Variants in GLS2 observed in about 807,000 individuals in gnomAD.
GLS2 encodes the protein glutaminase liver isoform, mitochondrial.
Under a neutral mutation model 79.0 loss-of-function variants are expected in GLS2, and 52 were observed. The observed-to-expected ratio is 0.66, with a 90% CI of 0.53 to 0.83. GLS2 has a LOEUF of 0.83. Ranked by LOEUF, GLS2 falls within the 40% of genes least tolerant of loss-of-function variation. The pLI is 0.00. For missense variants in GLS2, 561 were observed against 764.8 expected, an observed-to-expected ratio of 0.73 and a Z score of 3.14; for synonymous variants, 238 against 280.8, an observed-to-expected ratio of 0.85 and a Z score of 1.52.
chr12:56,477,862 G>T (rs1869958722), intron 6 of GLS2, 71 bp downstream of exon 6: 1 of 1,560,478 alleles, frequency 6.4e-7, no homozygotes, highest in Non-Finnish European at 8.7e-7. Flanking sequence ...AACAAAAAAG[G>T]CTGGGAGATG....
rs751390826 is a variant in GLS2, at chr12:56,479,141, G to A, written c.445C>T (p.Arg149Ter). 8.7e-6 allele frequency: 14 copies of A among 1,613,818 alleles called. No individual in the cohort carries two copies. Among genetic ancestry groups the A allele is most frequent in the East Asian group, 2.2e-5 (1 of 44,888 alleles). Residue 149 changes from arginine to a stop codon, truncating the protein, a stop_gained, in exon 4 of 18, where the codon CGA (arginine) becomes TGA (stop). Transcript: ENST00000311966. LOFTEE classifies it high-confidence loss of function. ...SNIVLLTQAF[R>*]KKFVIPDFEE... ...AAATCAGGAATGACAAACTTCTTTC[G>A]GAATGCCTGGGTCAGGAGCACAATG...
chr12:56,475,075 T>C lies in GLS2; in HGVS notation c.965A>G (p.Tyr322Cys). ...TTCCTTGAGATAATAGCCGATGGCA[T>C]AATTCCGATCCCCTGTTTCCTTCTC... is the stretch of plus-strand genomic sequence containing the variant. ...QSEKETGDRN[Y>C]AIGYYLKEKK... The change falls in exon 10 of 18, where the codon TAT becomes TGT. Residue 322 changes from tyrosine (Y) to cysteine (C), a missense_variant. Around this residue, in one of 4 missense-constraint regions of GLS2, gnomAD observed 221 missense variants for 275.6 expected, o/e 0.80. Transcript: ENST00000311966. 6.2e-7 allele frequency: 1 copy of C among 1,614,198 alleles called. No homozygotes were observed. Among genetic ancestry groups the C allele is most frequent in the Non-Finnish European group, 8.5e-7 (1 of 1,180,048 alleles).
At chr12:56,473,091 G>A (rs1204658230) in intron 14 of GLS2, 137 bp downstream of exon 14, 6 of 766,004 alleles carry the variant, frequency 7.8e-6, no homozygotes, top group South Asian at 3.5e-5. Flanking sequence ...AGGTTTCACC[G>A]TGTTAGCCAG....
intron 4 of GLS2, 183 bp from the exon 5 acceptor site, chr12:56,478,445 T>A: frequency 1.6e-6 from 1 of 613,092 alleles, no homozygotes; most frequent in Admixed American, 2.9e-5. Context: ...GGCCATATCT[T>A]TGTGTATCCG....
At chr12:56,483,483 A>G (rs1263546587) in intron 1 of GLS2, among the ~76,000 whole-genome samples, 3 of 151,980 alleles carry the variant, frequency 2.0e-5, no homozygotes, top group Non-Finnish European at 4.4e-5. Context: ...TATGCAGTGT[A>G]AAAAAAAGAA....
At chr12:56,487,703 G>C in intron 1 of GLS2, 1 of 567,000 alleles carries the variant, frequency 1.8e-6, no homozygotes, top group Admixed American at 3.5e-5. Context: ...GCGCACCTTG[G>C]ACAGGCGCCA....
At chr12:56,472,792 A>C in intron 14 of GLS2, 41 bp from the exon 15 acceptor site, 30 of 1,580,310 alleles carry the variant, frequency 1.9e-5, no homozygotes, top group African/African-American at 2.7e-5. Context: ...AATTGAACTC[A>C]CCTATGCCAG....
At position 56,474,495 on chromosome 12, in the gene GLS2, T is replaced by G. The variant is rs746155602; in HGVS notation, c.1224+49A>C. The stretch of plus-strand genomic sequence containing the variant: ...ATCTTGAGAGAGTCAGTGTTCTCTC[T>G]TCTTAGCACTGGGCTCATGACAGAT... On this transcript the variant is annotated intron_variant, in intron 12 of 17. Coordinates refer to ENST00000311966, the MANE Select transcript of GLS2 (RefSeq NM_013267.4). The G allele has an allele frequency of 3.7e-6, 6 of 1,607,706 alleles. No individual in the cohort carries two copies. The Admixed American group carries it at 1.0e-4, about 27-fold the overall frequency.
At position 56,477,971 on chromosome 12, in the gene GLS2, C is replaced by T; in HGVS notation, c.740G>A (p.Ser247Asn). 2.5e-6 allele frequency: 4 copies of T among 1,614,188 alleles called. No homozygotes were observed. Among genetic ancestry groups the T allele is most frequent in the Non-Finnish European group, 3.4e-6 (4 of 1,180,004 alleles). ...YVHKFVGKEPSGLRYNKLSLN... is the reference protein window; with the variant it reads ...YVHKFVGKEPNGLRYNKLSLN... Reference sequence around the variant, plus strand: ...GGAGAGCTTGTTGTAGCGCAGGCCACTTGGCTCTTTGCCCACAAACTTGTG... The same window carrying T: ...GGAGAGCTTGTTGTAGCGCAGGCCATTTGGCTCTTTGCCCACAAACTTGTG... The change falls in exon 6 of 18, where the codon AGT (serine) becomes AAT (asparagine). Residue 247 changes from serine (S) to asparagine (N), a missense_variant. Physicochemically the swap from Ser to Asn is conservative, Grantham distance 46 (BLOSUM62 1). Around this residue, in one of 4 missense-constraint regions of GLS2, gnomAD observed 221 missense variants for 275.6 expected, o/e 0.80. Coordinates refer to ENST00000311966, the MANE Select transcript of GLS2 (RefSeq NM_013267.4).
chr12:56,472,181 G>A lies in GLS2; in HGVS notation c.1526C>T (p.Ala509Val), dbSNP rs778793178. ...VSALRRFALS[A>V]MDMEQKDYDS... ...ATAGTCTTTCTGTTCCATATCCATGGCTGACAAGGCAAACCTGAGGGTAGT... is the reference window on the plus strand; with the variant it reads ...ATAGTCTTTCTGTTCCATATCCATGACTGACAAGGCAAACCTGAGGGTAGT... The change falls in exon 16 of 18, where the codon GCC becomes GTC. Residue 509 changes from alanine to valine, a missense_variant. Transcript: ENST00000311966. 5.6e-6 allele frequency: 9 copies of A among 1,614,160 alleles called. No homozygotes were observed. The highest frequency in any genetic ancestry group is 7.6e-6 in the Non-Finnish European group (9 of 1,180,012).
chr12:56,484,784 A>G (rs1215071389), intron 1 of GLS2, among the ~76,000 whole-genome samples: 2 of 152,212 alleles, frequency 1.3e-5, no homozygotes, highest in Admixed American at 1.3e-4. Context: ...TACAACAGCA[A>G]TGTGTATAGT....
At chr12:56,485,656 G>C (rs1216403368) in intron 1 of GLS2, among the ~76,000 whole-genome samples, 4 of 152,182 alleles carry the variant, frequency 2.6e-5, no homozygotes, top group Non-Finnish European at 5.9e-5. Flanking sequence ...ATAGTGATCA[G>C]ATAAGGGTAA....
In GLS2 at chr12:56,475,120, A is replaced by T; in HGVS notation, c.930-10T>A. 6.2e-7 allele frequency: 1 copy of T among 1,613,934 alleles called. No homozygotes were observed. The highest frequency in any genetic ancestry group is 8.5e-7 in the Non-Finnish European group (1 of 1,180,018). The stretch of plus-strand genomic sequence containing the variant: ...CTTCTCTGACTGGAATCTGAAGCAA[A>T]CACCCAATTTAGTACTTGAAGTTGG... On this transcript the variant is annotated splice_polypyrimidine_tract_variant and intron_variant, in intron 9 of 17. Coordinates refer to ENST00000311966, the MANE Select transcript of GLS2 (RefSeq NM_013267.4).
intron 1 of GLS2, among the ~76,000 whole-genome samples, chr12:56,483,597 G>C (rs1490852759): frequency 6.6e-6 from 1 of 152,038 alleles, no homozygotes; most frequent in East Asian, 1.9e-4. Flanking sequence ...AAAGAAGCGT[G>C]TGGTAGTATT....
At chr12:56,477,757 A>T in intron 6 of GLS2, 39 bp from the exon 7 acceptor site, 1 of 1,593,080 alleles carries the variant, frequency 6.3e-7, no homozygotes, top group South Asian at 1.1e-5. Flanking sequence ...TAGCCACTGA[A>T]CAAAGCCTCC....
In GLS2 at chr12:56,480,288, A is replaced by C; in HGVS notation, c.282T>G (p.Thr94=). 6.2e-7 allele frequency: 1 copy of C among 1,613,340 alleles called. No individual in the cohort carries two copies. The highest frequency in any genetic ancestry group is 1.1e-5 in the South Asian group (1 of 91,060). Residue 94 remains threonine (T), a splice_region_variant and synonymous_variant, in exon 2 of 18, where the codon ACT becomes ACG. Coordinates refer to ENST00000311966, the MANE Select transcript of GLS2 (RefSeq NM_013267.4). ...QERIPIHKFT[T]ALKATGLQTS... ...CCTGAACAGGTAGAGGGCAACTTACAGTGGTGAACTTGTGGATAGGGATTC... is the reference window on the plus strand; with the variant it reads ...CCTGAACAGGTAGAGGGCAACTTACCGTGGTGAACTTGTGGATAGGGATTC...
Position 56,487,296 on chromosome 12 carries a change from C to T in GLS2, c.182+641G>A, listed in dbSNP as rs1870763552. On this transcript the variant is annotated intron_variant, in intron 1 of 17. Transcript: ENST00000311966. ...GTTTTAGATTCTGGAGCCTGGGCAG[C>T]ACAAATAAAGGCTCTGACTGGCTCT... Among the ~76,000 whole-genome samples, 4 of 152,316 alleles carry T rather than the reference C, an allele frequency of 2.6e-5. No individual in the cohort carries two copies. In the South Asian group the frequency reaches 8.3e-4, roughly 32 times the overall value.
intron 12 of GLS2, 32 bp downstream of exon 12, chr12:56,474,512 A>G (rs1869614181): frequency 6.2e-7 from 1 of 1,612,184 alleles, no homozygotes; most frequent in Non-Finnish European, 8.5e-7. Flanking sequence ...CACTGGGCTC[A>G]TGACAGATGG....
chr12:56,487,708 G>T, intron 1 of GLS2: 2 of 570,956 alleles, frequency 3.5e-6, no homozygotes, highest in Non-Finnish European at 6.1e-6. Context: ...CCTTGGACAG[G>T]CGCCATCCCC....
Sources: allele counts gnomAD v4.1 joint callset (sites outside exome capture counted in the v4.1 genomes callset), GRCh38; gene constraint gnomAD v4.1.1; regional missense constraint gnomAD v4.1.1; transcripts MANE v1.5; gene names NCBI Gene and HGNC (gene_info 2026-07-23, HGNC 2026-07-21).